The following CCSER1 variants were observed in gnomAD, a reference collection of about 807,000 sequenced individuals.
The protein encoded by CCSER1 is serine-rich coiled-coil domain-containing protein 1.
In CCSER1, 41 loss-of-function variants were observed where a neutral mutation model predicts 82.0. The observed-to-expected ratio is 0.50, with a 90% CI of 0.39 to 0.65. The LOEUF (loss-of-function observed/expected upper bound fraction) is 0.65. Among genes scored for constraint, CCSER1 ranks in the 30% least tolerant of loss-of-function variants. The pLI is 0.00. For missense variants in CCSER1, 1,119 were observed against 1,064.2 expected (o/e 1.05, Z -0.72); for synonymous variants, 414 against 383.9 (o/e 1.08, Z -0.92).
At chr4:90,387,107 T>A (rs1338105316) in intron 3 of CCSER1, among the ~76,000 whole-genome samples, 1 of 152,164 alleles carries the variant, frequency 6.6e-6, no homozygotes, top group African/African-American at 2.4e-5. Flanking sequence ...ATGGAAGATT[T>A]GGCGGAAAGA....
intron 10 of CCSER1, among the ~76,000 whole-genome samples, chr4:91,598,057 C>G (rs1359927047): frequency 6.6e-6 from 1 of 152,092 alleles, no homozygotes; most frequent in Non-Finnish European, 1.5e-5. Flanking sequence ...TTCTTAGATT[C>G]TTGTAGTTAC....
At chr4:91,082,808 A>T (rs987340269) in intron 9 of CCSER1, among the ~76,000 whole-genome samples, 1 of 152,224 alleles carries the variant, frequency 6.6e-6, no homozygotes, top group Non-Finnish European at 1.5e-5. Flanking sequence ...ACACATGAAA[A>T]AATGCTCATC....
chr4:91,479,111 A>T (rs1263868300), intron 10 of CCSER1, among the ~76,000 whole-genome samples: 2 of 151,700 alleles, frequency 1.3e-5, no homozygotes, highest in African/African-American at 2.4e-5. Context: ...CAACTTAAGG[A>T]TCTATTTTGA....
At chr4:90,534,507 A>G (rs139194971) in intron 5 of CCSER1, among the ~76,000 whole-genome samples, 1,808 of 150,178 alleles carry the variant, frequency 0.012, 11 homozygotes, top group South Asian at 0.022. Flanking sequence ...CCTATTCTCT[A>G]TATTAAAAAC....
chr4:91,160,629 C>A (rs924628632), intron 10 of CCSER1, among the ~76,000 whole-genome samples: 2 of 152,170 alleles, frequency 1.3e-5, no homozygotes, highest in Non-Finnish European at 1.5e-5. Context: ...TTTTGATTTG[C>A]ATTTCTCTGA....
At chr4:91,092,836 ATGCTGCTT>A (rs1413509814) in intron 10 of CCSER1, among the ~76,000 whole-genome samples, 4 of 152,088 alleles carry the variant, frequency 2.6e-5, no homozygotes, top group African/African-American at 9.7e-5. Context: ...TAAGGAGTAG[ATGCTGCTT>A]TTCCTGCCTC....
At chr4:90,304,663 G>A (rs527635845) in intron 1 of CCSER1, among the ~76,000 whole-genome samples, 30 of 152,186 alleles carry the variant, frequency 2.0e-4, no homozygotes, top group Non-Finnish European at 3.4e-4. Flanking sequence ...TGGGGAGAGT[G>A]GGGAGGGATA....
At chr4:91,507,121 T>G (rs1759537888) in intron 10 of CCSER1, among the ~76,000 whole-genome samples, 1 of 152,194 alleles carries the variant, frequency 6.6e-6, no homozygotes, top group Non-Finnish European at 1.5e-5. Context: ...TGTGGATATA[T>G]GTCTTCTTAT....
intron 4 of CCSER1, among the ~76,000 whole-genome samples, chr4:90,411,480 A>T (rs1754787085): frequency 6.6e-6 from 1 of 152,232 alleles, no homozygotes; most frequent in South Asian, 2.1e-4. Context: ...TACGAAAATC[A>T]ATAAACGTAA....
chr4:90,568,622 CT>C (rs988569801), intron 5 of CCSER1, among the ~76,000 whole-genome samples: 27 of 152,142 alleles, frequency 1.8e-4, no homozygotes, highest in African/African-American at 5.8e-4. Flanking sequence ...GCCACTCAGT[CT>C]TTTGATTAGA....
intron 6 of CCSER1, among the ~76,000 whole-genome samples, chr4:90,630,825 G>T (rs907366827): frequency 2.7e-5 from 4 of 150,372 alleles, no homozygotes; most frequent in Non-Finnish European, 5.9e-5. Context: ...TTCCTATTTT[G>T]AGCTGATTTT....
chr4:90,344,022 C>T (rs1386529644), intron 3 of CCSER1, among the ~76,000 whole-genome samples: 7 of 152,118 alleles, frequency 4.6e-5, no homozygotes, highest in Non-Finnish European at 1.0e-4. Flanking sequence ...ACCATCCTGA[C>T]TCCCCTCCCC....
chr4:91,373,066 A>G (rs1212669025), intron 10 of CCSER1, among the ~76,000 whole-genome samples: 1 of 152,106 alleles, frequency 6.6e-6, no homozygotes, highest in African/African-American at 2.4e-5. Context: ...AGAAACACTG[A>G]AATCATTTCT....
At chr4:90,347,291 G>T (rs1275844984) in intron 3 of CCSER1, among the ~76,000 whole-genome samples, 3 of 149,498 alleles carry the variant, frequency 2.0e-5, no homozygotes, top group Non-Finnish European at 4.5e-5. Flanking sequence ...TAAACATTCA[G>T]TGATAACTAT....
rs559371304 is a variant in CCSER1 at position 90,877,327 on chromosome 4, C to T, written c.2095-46043C>T. On this transcript the variant is annotated intron_variant, in intron 8 of 10. Transcript: ENST00000509176. Reference sequence around the variant, plus strand: ...TCTTGTGTACCAGTATTTTTGGAGTCGATTTGAATAACAATAGTAATCTGC... The same window carrying T: ...TCTTGTGTACCAGTATTTTTGGAGTTGATTTGAATAACAATAGTAATCTGC... Among the ~76,000 whole-genome samples, 43 of 152,034 alleles carry T rather than the reference C, an allele frequency of 2.8e-4. 1 individual carries two copies. Among genetic ancestry groups the T allele is most frequent in the African/African-American group, 9.4e-4 (39 of 41,492 alleles).
At chr4:91,447,500 T>C (rs1755636110) in intron 10 of CCSER1, among the ~76,000 whole-genome samples, 1 of 152,114 alleles carries the variant, frequency 6.6e-6, no homozygotes, top group Non-Finnish European at 1.5e-5. Context: ...TCCATGTACC[T>C]ATCACACTAC....
intron 4 of CCSER1, among the ~76,000 whole-genome samples, chr4:90,441,763 A>G (rs144437738): frequency 5.5e-4 from 84 of 152,364 alleles, no homozygotes; most frequent in Middle Eastern, 3.4e-3. Context: ...GCTCCTGAAC[A>G]TAATAGTTGG....
chr4:90,600,024 T>G (rs140257221), intron 5 of CCSER1, among the ~76,000 whole-genome samples: 2 of 152,334 alleles, frequency 1.3e-5, no homozygotes, highest in Admixed American at 6.5e-5. Flanking sequence ...GATGTTCTTA[T>G]GTACTGCAGT....
At chr4:90,939,727 T>C (rs1029923794) in intron 9 of CCSER1, among the ~76,000 whole-genome samples, 1 of 152,154 alleles carries the variant, frequency 6.6e-6, no homozygotes, top group African/African-American at 2.4e-5. Context: ...TCAATCATTA[T>C]GTAACATGTA....
Sources: gnomAD v4.1 joint callset for allele counts (sites outside exome capture counted in the v4.1 genomes callset) on GRCh38, gnomAD v4.1.1 for gene constraint, MANE v1.5 for transcripts, NCBI Gene and HGNC (gene_info 2026-07-23, HGNC 2026-07-21) for gene names.